ROBO2: variants seen among roughly 807,000 people sequenced by gnomAD.
ROBO2 encodes the protein roundabout guidance receptor 2.
A neutral mutation model predicts 160.8 loss-of-function variants in ROBO2; 53 were observed. That is an observed-to-expected ratio of 0.33 (90% CI 0.26 to 0.41). The LOEUF (loss-of-function observed/expected upper bound fraction) is 0.41. ROBO2 is among the 10% of genes least tolerant of loss of function. The pLI is 1.00. For synonymous variants in ROBO2, 664 were observed against 611.7 expected, an observed-to-expected ratio of 1.09 and a Z score of -1.26; for missense variants, 1,577 against 1,722.4, an observed-to-expected ratio of 0.92 and a Z score of 1.49.
intron 2 of ROBO2, among the ~76,000 whole-genome samples, chr3:76,345,000 G>C (rs1426018827): frequency 6.6e-6 from 1 of 152,092 alleles, no homozygotes; most frequent in Non-Finnish European, 1.5e-5. Context: ...TCTAGACCTG[G>C]ATTTCAGTTC....
intron 1 of ROBO2, among the ~76,000 whole-genome samples, chr3:77,091,294 G>T (rs1452363901): frequency 6.6e-6 from 1 of 152,058 alleles, no homozygotes; most frequent in East Asian, 1.9e-4. Flanking sequence ...GAAAACAAAT[G>T]TTCTCTGGCA....
At chr3:76,797,816 C>T (rs2063816260) in intron 2 of ROBO2, among the ~76,000 whole-genome samples, 1 of 151,366 alleles carries the variant, frequency 6.6e-6, no homozygotes, top group Non-Finnish European at 1.5e-5. Flanking sequence ...AAATTAAAAC[C>T]TAAAAGAAAT....
At chr3:76,440,156 AG>A (rs2076859675) in intron 2 of ROBO2, among the ~76,000 whole-genome samples, 1 of 152,178 alleles carries the variant, frequency 6.6e-6, no homozygotes, top group African/African-American at 2.4e-5. Context: ...GGGGAAAGCG[AG>A]AAATTCCACT....
chr3:77,104,023 A>C (rs373586371), intron 2 of ROBO2, among the ~76,000 whole-genome samples: 6 of 152,334 alleles, frequency 3.9e-5, no homozygotes, highest in African/African-American at 1.4e-4. Flanking sequence ...AAAAAGATCA[A>C]TCCATAGAGA....
chr3:76,876,070 C>G (rs930742215), intron 2 of ROBO2, among the ~76,000 whole-genome samples: 12 of 152,002 alleles, frequency 7.9e-5, no homozygotes, highest in African/African-American at 2.7e-4. Flanking sequence ...TTTGTCATGT[C>G]AAGGTAACAT....
intron 2 of ROBO2, among the ~76,000 whole-genome samples, chr3:76,945,448 T>C (rs2078472318): frequency 6.6e-6 from 1 of 152,154 alleles, no homozygotes; most frequent in African/African-American, 2.4e-5. Context: ...TGATTGACTT[T>C]CTTACTTCTG....
intron 1 of ROBO2, among the ~76,000 whole-genome samples, chr3:77,070,839 G>A (rs1346955070): frequency 6.6e-6 from 1 of 152,142 alleles, no homozygotes; most frequent in Non-Finnish European, 1.5e-5. Context: ...CTGTGATGGG[G>A]AAAGAGTAGA....
At chr3:76,935,100 T>C (rs558383159) in intron 2 of ROBO2, among the ~76,000 whole-genome samples, 21 of 152,086 alleles carry the variant, frequency 1.4e-4, no homozygotes, top group Non-Finnish European at 2.8e-4. Flanking sequence ...TATAGGCACA[T>C]GCCACCACAC....
intron 5 of ROBO2, among the ~76,000 whole-genome samples, chr3:77,504,380 G>A (rs534797415): frequency 9.5e-4 from 143 of 150,514 alleles, no homozygotes; most frequent in Non-Finnish European, 1.8e-3. Flanking sequence ...CTGACACATG[G>A]TACTCACCAG....
At position 77,068,469 on chromosome 3, in the gene ROBO2, T is replaced by C. The variant is rs1428541921; in HGVS notation, c.61+27623T>C. Among the ~76,000 whole-genome samples, 4 of 152,216 alleles carry C rather than the reference T, an allele frequency of 2.6e-5. No individual in the cohort carries two copies. The East Asian group carries it at 7.7e-4, about 29-fold the overall frequency. On this transcript the variant is annotated intron_variant, in intron 1 of 25. Coordinates refer to ENST00000461745, the Ensembl canonical transcript of ROBO2. The stretch of plus-strand genomic sequence containing the variant: ...AATCTTTGTTTAAATGAACATTGCA[T>C]GGAATAAAGCAGAATCTTTTTTTCC...
intron 2 of ROBO2, among the ~76,000 whole-genome samples, chr3:77,292,969 A>C (rs1213545036): frequency 1.3e-5 from 2 of 150,996 alleles, no homozygotes; most frequent in African/African-American, 2.4e-5. Context: ...TAGATCACCA[A>C]AGACATTAAG....
intron 2 of ROBO2, among the ~76,000 whole-genome samples, chr3:76,335,176 TTG>T (rs1491093700): frequency 1.7e-3 from 224 of 134,270 alleles, no homozygotes; most frequent in Admixed American, 0.014. Flanking sequence ...CTTTTCTGTT[TTG>T]TTTTTTTTTT....
intron 1 of ROBO2, among the ~76,000 whole-genome samples, chr3:75,927,918 A>C (rs1240550642): frequency 6.7e-6 from 1 of 148,954 alleles, no homozygotes; most frequent in Non-Finnish European, 1.5e-5. Context: ...ACACAGGTGT[A>C]TGTGTGTCTG....
exon 1 of ROBO2, chr3:77,040,068 C>A: frequency 2.7e-6 from 2 of 744,164 alleles, no homozygotes; most frequent in Non-Finnish European, 3.3e-6. Context: ...CCCTCCCTCC[C>A]TCCCTCGCTC....
intron 5 of ROBO2, among the ~76,000 whole-genome samples, chr3:77,511,767 T>C (rs1290323559): frequency 2.0e-5 from 3 of 151,984 alleles, no homozygotes; most frequent in Admixed American, 1.3e-4. Flanking sequence ...AAGTTTCATT[T>C]TGGTTTTCTG....
At chr3:75,925,423 G>A (rs1291472931) in intron 1 of ROBO2, among the ~76,000 whole-genome samples, 1 of 152,048 alleles carries the variant, frequency 6.6e-6, no homozygotes, top group Non-Finnish European at 1.5e-5. Flanking sequence ...TAAAAGGGGA[G>A]GGTGTCTTTT....
At chr3:76,535,826 A>G (rs994763007) in intron 2 of ROBO2, among the ~76,000 whole-genome samples, 1 of 152,122 alleles carries the variant, frequency 6.6e-6, no homozygotes, top group African/African-American at 2.4e-5. Flanking sequence ...GAAAAGGAGA[A>G]GGACTTACCC....
At chr3:76,703,405 G>T (rs557557560) in intron 2 of ROBO2, among the ~76,000 whole-genome samples, 1 of 152,048 alleles carries the variant, frequency 6.6e-6, no homozygotes, top group Non-Finnish European at 1.5e-5. Context: ...TGGGACACAT[G>T]TGCAGAACGT....
chr3:76,061,796 C>G (rs1345484576), intron 2 of ROBO2, among the ~76,000 whole-genome samples: 1 of 152,036 alleles, frequency 6.6e-6, no homozygotes, highest in Non-Finnish European at 1.5e-5. Context: ...TCAGTGGGCT[C>G]AAATCAAGGT....
Sources: allele counts gnomAD v4.1 joint callset (sites outside exome capture counted in the v4.1 genomes callset), GRCh38; gene constraint gnomAD v4.1.1; transcripts MANE v1.5; gene names NCBI Gene and HGNC (gene_info 2026-07-23, HGNC 2026-07-21).